The following PLXNA2 variants were observed in gnomAD, a reference collection of about 807,000 sequenced individuals.
The protein encoded by PLXNA2 is plexin-A2.
A neutral mutation model predicts 193.5 loss-of-function variants in PLXNA2; 91 were observed. The ratio of observed to expected loss-of-function variants is 0.47; its 90% confidence interval spans 0.40 to 0.56. PLXNA2 has a LOEUF of 0.56. Ranked by LOEUF, PLXNA2 falls within the 20% of genes least tolerant of loss-of-function variation. PLXNA2 has a pLI of 0.00. For missense variants in PLXNA2, 1,995 were observed against 2,503.2 expected (o/e 0.80, Z 4.33); for synonymous variants, 997 against 1,027.3 (o/e 0.97, Z 0.56).
At chr1:208,195,040 G>A (rs757899468) in intron 3 of PLXNA2, among the ~76,000 whole-genome samples, 7 of 152,170 alleles carry the variant, frequency 4.6e-5, no homozygotes, top group Non-Finnish European at 1.0e-4. Context: ...TTGACAATAA[G>A]GGAGCAGAAG....
intron 3 of PLXNA2, among the ~76,000 whole-genome samples, chr1:208,200,321 G>A (rs1036313499): frequency 2.0e-5 from 3 of 152,164 alleles, no homozygotes; most frequent in African/African-American, 7.2e-5. Context: ...TGTATTTCCT[G>A]CCTCCCTGGA....
intron 29 of PLXNA2, chr1:208,030,824 T>A (rs917129755): frequency 1.0e-6 from 1 of 985,458 alleles, no homozygotes; most frequent in African/African-American, 1.7e-5. Flanking sequence ...ATGCCAGCTC[T>A]TGGCCGGGTC....
At chr1:208,054,794 C>A (rs1167199320) in intron 13 of PLXNA2, among the ~76,000 whole-genome samples, 1 of 152,226 alleles carries the variant, frequency 6.6e-6, no homozygotes, top group Non-Finnish European at 1.5e-5. Flanking sequence ...TGCTCTGCTG[C>A]CTAATTCTGT....
chr1:208,216,839 C>A lies in PLXNA2; in HGVS notation c.1084G>T (p.Ala362Ser). 1 of 1,614,180 alleles carries A rather than the reference C, an allele frequency of 6.2e-7. No homozygotes were observed. The highest frequency in any genetic ancestry group is 8.5e-7 in the Non-Finnish European group (1 of 1,180,038). The change falls in exon 2 of 32, where the codon GCC (alanine) becomes TCC (serine). Residue 362 changes from alanine (A) to serine (S), a missense_variant. Transcript: ENST00000367033. ...DSALCAFPIR[A>S]INLQIKERLQ... ...CGCTCCTTGATCTGCAAGTTGATGG[C>A]CCGGATAGGGAAGGCACACAGGGCA...
At chr1:208,076,551 C>T (rs1485987429) in intron 12 of PLXNA2, among the ~76,000 whole-genome samples, 1 of 152,166 alleles carries the variant, frequency 6.6e-6, no homozygotes, top group Non-Finnish European at 1.5e-5. Flanking sequence ...AGGTACCATA[C>T]AGGTATTTTT....
intron 3 of PLXNA2, among the ~76,000 whole-genome samples, chr1:208,167,015 T>A (rs746176221): frequency 6.6e-6 from 1 of 152,210 alleles, no homozygotes; most frequent in Non-Finnish European, 1.5e-5. Flanking sequence ...AGAGCAGAGC[T>A]TGGGGCTACG....
chr1:208,210,991 C>T (rs751025034), intron 2 of PLXNA2, among the ~76,000 whole-genome samples: 42 of 152,172 alleles, frequency 2.8e-4, no homozygotes, highest in South Asian at 4.1e-4. Flanking sequence ...TTTACCAGCA[C>T]GTCACTGGAG....
chr1:208,158,295 T>C (rs1204995061), intron 3 of PLXNA2, among the ~76,000 whole-genome samples: 1 of 152,156 alleles, frequency 6.6e-6, no homozygotes, highest in Non-Finnish European at 1.5e-5. Context: ...TCCTTGTCTC[T>C]CTCCCATCAA....
chr1:208,052,203 G>A (rs1665286317), intron 15 of PLXNA2, 124 bp downstream of exon 15: 2 of 907,678 alleles, frequency 2.2e-6, no homozygotes, highest in Non-Finnish European at 3.4e-6. Context: ...TGGTATTTGG[G>A]TCTAGGTGTA....
At chr1:208,113,546 C>CTTT (rs397695261) in intron 4 of PLXNA2, among the ~76,000 whole-genome samples, 3,548 of 105,492 alleles carry the variant, frequency 0.034, 170 homozygotes, top group Non-Finnish European at 0.039. Context: ...CTCTCTCTCT[C>CTTT]TTTTTTTTTT....
chr1:208,156,554 G>A (rs1342760896), intron 3 of PLXNA2, among the ~76,000 whole-genome samples: 1 of 152,198 alleles, frequency 6.6e-6, no homozygotes, highest in Non-Finnish European at 1.5e-5. Context: ...CCAGCCAGTA[G>A]TAGAAAGGCA....
At chr1:208,123,297 T>C (rs991700761) in intron 4 of PLXNA2, among the ~76,000 whole-genome samples, 1 of 152,240 alleles carries the variant, frequency 6.6e-6, no homozygotes, top group African/African-American at 2.4e-5. Context: ...AGGAGCTTAA[T>C]ATCCTCCCAC....
chr1:208,162,744 G>A (rs577258234), intron 3 of PLXNA2, among the ~76,000 whole-genome samples: 2 of 152,242 alleles, frequency 1.3e-5, no homozygotes, highest in African/African-American at 2.4e-5. Context: ...ATCTCTGTAT[G>A]CCTGATGAAG....
At chr1:208,098,053 A>T (rs1215324169) in intron 6 of PLXNA2, among the ~76,000 whole-genome samples, 1 of 152,098 alleles carries the variant, frequency 6.6e-6, no homozygotes, top group East Asian at 1.9e-4. Flanking sequence ...TGTTATTTGC[A>T]GTGGGTTTCT....
chr1:208,051,635 G>A (rs1381656415), intron 15 of PLXNA2, among the ~76,000 whole-genome samples: 3 of 152,224 alleles, frequency 2.0e-5, no homozygotes, highest in Non-Finnish European at 4.4e-5. Flanking sequence ...ACGGGGGTTT[G>A]AAAATGAGGG....
intron 3 of PLXNA2, among the ~76,000 whole-genome samples, chr1:208,188,024 C>T (rs902927284): frequency 2.0e-5 from 3 of 152,176 alleles, no homozygotes; most frequent in African/African-American, 4.8e-5. Flanking sequence ...TCAGCCCACC[C>T]GATTTCTGGG....
At chr1:208,160,164 A>C (rs1324718645) in intron 3 of PLXNA2, among the ~76,000 whole-genome samples, 1 of 152,126 alleles carries the variant, frequency 6.6e-6, no homozygotes, top group Non-Finnish European at 1.5e-5. Flanking sequence ...CTGCTACCAG[A>C]GATAGATAGC....
At chr1:208,210,056 T>A (rs2102598898) in intron 3 of PLXNA2, 1 of 357,510 alleles carries the variant, frequency 2.8e-6, no homozygotes, top group East Asian at 5.1e-5. Context: ...TGGGAAATAT[T>A]GAAATACGCT....
At chr1:208,148,713 G>A (rs1668670018) in intron 3 of PLXNA2, among the ~76,000 whole-genome samples, 2 of 152,176 alleles carry the variant, frequency 1.3e-5, no homozygotes, top group Non-Finnish European at 1.5e-5. Context: ...TGGTCTTCAT[G>A]AACACAGGGG....
Sources: gnomAD v4.1 joint callset for allele counts (sites outside exome capture counted in the v4.1 genomes callset) on GRCh38, gnomAD v4.1.1 for gene constraint, MANE v1.5 for transcripts, NCBI Gene and HGNC (gene_info 2026-07-23, HGNC 2026-07-21) for gene names.